Variants in KAZN observed in about 807,000 individuals in gnomAD.
KAZN encodes kazrin, periplakin interacting protein.
In KAZN, 40 loss-of-function variants were observed where a neutral mutation model predicts 87.4. The ratio of observed to expected loss-of-function variants is 0.46; its 90% confidence interval spans 0.36 to 0.60. The LOEUF (loss-of-function observed/expected upper bound fraction) is 0.60, where lower values mean the gene tolerates loss of function less well. Ranked by LOEUF, KAZN falls within the 20% of genes least tolerant of loss-of-function variation. The probability of loss-of-function intolerance (pLI) is 0.00; values close to 1 mark genes in which losing one functional copy is unlikely to be tolerated. For missense variants in KAZN, 898 were observed against 1,073.9 expected, an observed-to-expected ratio of 0.84 and a Z score of 2.29; for synonymous variants, 466 against 458.3, an observed-to-expected ratio of 1.02 and a Z score of -0.22.
chr1:14,819,451 T>G (rs965250007), intron 1 of KAZN, among the ~76,000 whole-genome samples: 1 of 152,112 alleles, frequency 6.6e-6, no homozygotes, highest in Non-Finnish European at 1.5e-5. Context: ...TGAGGACCGT[T>G]GTTCTTATGG....
intron 8 of KAZN, among the ~76,000 whole-genome samples, chr1:15,090,627 G>A (rs116456725): frequency 0.011 from 1,608 of 152,350 alleles, 10 homozygotes; most frequent in Non-Finnish European, 0.016. Context: ...CCACTCAGAC[G>A]GGTGACCTGC....
intron 2 of KAZN, among the ~76,000 whole-genome samples, chr1:14,352,431 TCATTTTCTA>T (rs1658627623): frequency 6.6e-6 from 1 of 152,216 alleles, no homozygotes; most frequent in Non-Finnish European, 1.5e-5. Context: ...GATTCTGAAT[TCATTTTCTA>T]CAGTAAAATT....
At chr1:14,421,531 A>G (rs1665428523) in intron 2 of KAZN, among the ~76,000 whole-genome samples, 1 of 152,158 alleles carries the variant, frequency 6.6e-6, no homozygotes, top group Non-Finnish European at 1.5e-5. Context: ...ATGTTACCAC[A>G]TTAGGACAGT....
At chr1:14,618,561 A>G (rs1678439268) in intron 1 of KAZN, among the ~76,000 whole-genome samples, 1 of 152,180 alleles carries the variant, frequency 6.6e-6, no homozygotes, top group Non-Finnish European at 1.5e-5. Flanking sequence ...AAAGCTATAT[A>G]TGTATTTTCG....
chr1:14,921,764 T>C (rs979061107), intron 1 of KAZN, among the ~76,000 whole-genome samples: 9 of 152,220 alleles, frequency 5.9e-5, no homozygotes, highest in Non-Finnish European at 1.3e-4. Flanking sequence ...TAGCCTGGAG[T>C]GTGCTGGCAC....
At chr1:14,264,016 G>T (rs1325504968) in intron 2 of KAZN, among the ~76,000 whole-genome samples, 1 of 152,122 alleles carries the variant, frequency 6.6e-6, no homozygotes, top group South Asian at 2.1e-4. Context: ...TTTATTTTTA[G>T]TTTGCTGCTA....
chr1:14,868,179 C>T (rs1375959532), intron 1 of KAZN, among the ~76,000 whole-genome samples: 1 of 151,818 alleles, frequency 6.6e-6, no homozygotes, highest in Non-Finnish European at 1.5e-5. Context: ...ATCGCATAGG[C>T]AGGCATCAAA....
intron 2 of KAZN, among the ~76,000 whole-genome samples, chr1:14,557,631 T>G (rs1341678966): frequency 6.6e-4 from 14 of 21,090 alleles, no homozygotes; most frequent in African/African-American, 1.9e-3. Context: ...TGTGTGTGGG[T>G]GTGTGTGTGT....
chr1:14,031,582 A>G (rs1425542931), intron 1 of KAZN, among the ~76,000 whole-genome samples: 1 of 152,224 alleles, frequency 6.6e-6, no homozygotes, highest in East Asian at 1.9e-4. Context: ...AATGAGAGGC[A>G]GAAGCTTCCT....
chr1:14,027,894 G>T (rs538255157), intron 1 of KAZN, among the ~76,000 whole-genome samples: 1 of 152,306 alleles, frequency 6.6e-6, no homozygotes, highest in Admixed American at 6.5e-5. Context: ...TTCCAAGAGG[G>T]TTAGTCATAG....
At chr1:14,608,664 A>G (rs538448316) in intron 1 of KAZN, among the ~76,000 whole-genome samples, 11 of 152,282 alleles carry the variant, frequency 7.2e-5, no homozygotes, top group Admixed American at 5.9e-4. Flanking sequence ...CTGGGTTTAG[A>G]TCTTGAATAA....
chr1:14,115,223 C>T (rs575431617), intron 1 of KAZN, among the ~76,000 whole-genome samples: 6 of 152,336 alleles, frequency 3.9e-5, no homozygotes, highest in African/African-American at 1.4e-4. Flanking sequence ...AGAGATACAA[C>T]AATGTCTCTC....
At chr1:15,095,090 G>A (rs1373965911) in intron 10 of KAZN, among the ~76,000 whole-genome samples, 157 bp downstream of exon 10, 1 of 152,144 alleles carries the variant, frequency 6.6e-6, no homozygotes, top group Non-Finnish European at 1.5e-5. Context: ...CTGATGAGGG[G>A]GCTTGGGCAT....
chr1:14,916,480 T>C (rs1261991497), intron 1 of KAZN, among the ~76,000 whole-genome samples: 1 of 152,212 alleles, frequency 6.6e-6, no homozygotes, highest in African/African-American at 2.4e-5. Context: ...ACCCAGTCTA[T>C]TCTTTTAATT....
chr1:14,088,832 T>G (rs1429358078), intron 1 of KAZN, among the ~76,000 whole-genome samples: 3 of 151,824 alleles, frequency 2.0e-5, no homozygotes, highest in Non-Finnish European at 4.4e-5. Flanking sequence ...CATGCACATT[T>G]AGCATTTTTT....
chr1:14,997,785 C>A (rs1020279739), intron 2 of KAZN, among the ~76,000 whole-genome samples: 4 of 152,100 alleles, frequency 2.6e-5, no homozygotes, highest in African/African-American at 9.7e-5. Context: ...CACCTGGGGT[C>A]CACTGGGGCC....
intron 1 of KAZN, among the ~76,000 whole-genome samples, chr1:13,896,577 C>A (rs1230505234): frequency 1.3e-5 from 2 of 152,170 alleles, no homozygotes; most frequent in Non-Finnish European, 2.9e-5. Context: ...TAGGAGTGAG[C>A]AACCATGCCA....
intron 1 of KAZN, among the ~76,000 whole-genome samples, chr1:14,055,845 CTTAA>C: frequency 6.6e-6 from 1 of 152,142 alleles, no homozygotes. Context: ...GTGTTCTGGA[CTTAA>C]TTTTGCAAAA....
At chr1:14,583,674 C>T (rs796464466) in intron 2 of KAZN, among the ~76,000 whole-genome samples, 14 of 152,226 alleles carry the variant, frequency 9.2e-5, no homozygotes, top group African/African-American at 2.6e-4. Flanking sequence ...GGTGAGGGGG[C>T]AGCTATGGGA....
Sources: gnomAD v4.1 joint callset for allele counts (sites outside exome capture counted in the v4.1 genomes callset) on GRCh38, gnomAD v4.1.1 for gene constraint, MANE v1.5 for transcripts, NCBI Gene and HGNC (gene_info 2026-07-23, HGNC 2026-07-21) for gene names.